Variants in POLRMT observed in about 807,000 individuals in gnomAD.
The protein encoded by POLRMT is DNA-directed RNA polymerase, mitochondrial.
POLRMT carries 114 observed loss-of-function variants against 132.2 expected under a neutral mutation model. That is an observed-to-expected ratio of 0.86 (90% CI 0.74 to 1.01). POLRMT has a LOEUF of 1.01. POLRMT is among the 50% of genes least tolerant of loss of function. The pLI is 0.00. For synonymous variants in POLRMT, 1,020 were observed against 773.4 expected, an observed-to-expected ratio of 1.32 and a Z score of -5.29; for missense variants, 2,003 against 1,729.1, an observed-to-expected ratio of 1.16 and a Z score of -2.81.
At chr19:620,606 C>A (rs932500609) in intron 10 of POLRMT, 119 bp from the exon 11 acceptor site, 2 of 1,280,276 alleles carry the variant, frequency 1.6e-6, no homozygotes, top group East Asian at 2.7e-5. Flanking sequence ...ATAGTGAACA[C>A]GGGACGCATG....
intron 2 of POLRMT, among the ~76,000 whole-genome samples, chr19:631,338 AG>A (rs58594494): frequency 0.014 from 1,549 of 113,342 alleles, 28 homozygotes; most frequent in African/African-American, 0.044. Context: ...AAAAAAAAAA[AG>A]GGGGGGGGGG....
chr19:620,345 G>C lies in POLRMT; in HGVS notation c.2763+20C>G. 1 of 1,557,358 alleles carries C rather than the reference G, an allele frequency of 6.4e-7. No individual in the cohort carries two copies. Among genetic ancestry groups the C allele is most frequent in the Non-Finnish European group, 8.7e-7 (1 of 1,151,834 alleles). On this transcript the variant is annotated intron_variant, in intron 11 of 20. Transcript: ENST00000588649. ...CAGTGCACACTGCACGGCCTCGGGGGCCAGACCCAGCTGGCTCACCTGATG... is the reference window on the plus strand; with the variant it reads ...CAGTGCACACTGCACGGCCTCGGGGCCCAGACCCAGCTGGCTCACCTGATG...
rs754686418 is a variant in POLRMT, at chr19:619,075, G to A, written c.3189C>T (p.His1063=). Residue 1063 remains histidine, a synonymous_variant, in exon 15 of 21, where the codon CAC becomes CAT. Transcript: ENST00000588649. ...WLTESARLIS[H]MGSVVEWVTP... Reference sequence around the variant, plus strand: ...TGACCCACTCCACCACAGAGCCCATGTGGGAGATGAGGCGGGCACTCTCGG... The same window carrying A: ...TGACCCACTCCACCACAGAGCCCATATGGGAGATGAGGCGGGCACTCTCGG... The A allele has an allele frequency of 2.5e-6, 4 of 1,611,080 alleles. No individual in the cohort carries two copies. The highest frequency in any genetic ancestry group is 1.1e-5 in the South Asian group (1 of 90,922).
intron 9 of POLRMT, 97 bp from the exon 10 acceptor site, chr19:621,943 A>C: frequency 7.1e-7 from 1 of 1,413,580 alleles, no homozygotes; most frequent in Non-Finnish European, 9.5e-7. Flanking sequence ...TCCCCGGCCA[A>C]CAAGAAACCA....
rs1216925925 is a variant in POLRMT at position 619,645 on chromosome 19, G to A, written c.3007C>T (p.Arg1003Cys). 16 of 1,610,700 alleles carry A rather than the reference G, an allele frequency of 9.9e-6. No individual in the cohort carries two copies. Among genetic ancestry groups the A allele is most frequent in the South Asian group, 3.3e-5 (3 of 90,992 alleles). Residue 1003 changes from arginine (R) to cysteine (C), a missense_variant, in exon 13 of 21, where the codon CGC becomes TGC. By Grantham distance (180) the Arg-to-Cys change is radical. Transcript: ENST00000588649. The part of the protein sequence containing the change: ...TVMTVVYGVT[R>C]YGGRLQIEKR... The stretch of plus-strand genomic sequence containing the variant: ...TCAATCTGCAGGCGCCCGCCATAGC[G>A]CGTGACCCCGTACACCACCGTCATC...
intron 10 of POLRMT, among the ~76,000 whole-genome samples, chr19:620,780 C>A (rs12460106): frequency 0.016 from 1,040 of 63,362 alleles, 12 homozygotes; most frequent in Non-Finnish European, 0.022. Context: ...TCGGCGGATG[C>A]AGGGGAGGGG....
At position 633,507 on chromosome 19, in the gene POLRMT, C is replaced by A. The variant is rs748974526; in HGVS notation, c.6G>T (p.Ser2=). 2.0e-6 allele frequency: 3 copies of A among 1,486,158 alleles called. No individual in the cohort carries two copies. Among genetic ancestry groups the A allele is most frequent in the Admixed American group, 1.8e-5 (1 of 55,478 alleles). 92.1% of individuals were successfully genotyped at this position (1,486,158 alleles called of 1,614,324 possible). The stretch of plus-strand genomic sequence containing the variant: ...CCGCTCCGCGGCCCCAGCAAAGTGC[C>A]GACATTACGCACGCCGCTCCAGGCC... M[S]ALCWGRGAAG... is the part of the protein sequence containing the mutation. Residue 2 remains serine, a synonymous_variant, in exon 1 of 21, where the codon TCG becomes TCT. Transcript: ENST00000588649.
At chr19:628,880 T>C (rs1456537747) in intron 3 of POLRMT, among the ~76,000 whole-genome samples, 1 of 152,108 alleles carries the variant, frequency 6.6e-6, no homozygotes, top group Non-Finnish European at 1.5e-5. Context: ...GGCGGGCACC[T>C]GTAACTCCAG....
chr19:620,399 G>A lies in POLRMT; in HGVS notation c.2729C>T (p.Pro910Leu), dbSNP rs765006909. ...GGGGAGGTGGGAGACATAGGCGGCAGGGTCGGAGGCGCGCACAGCGTTCGC... is the reference window on the plus strand; with the variant it reads ...GGGGAGGTGGGAGACATAGGCGGCAAGGTCGGAGGCGCGCACAGCGTTCGC... ...EVANAVRASD[P>L]AAYVSHLPVH... is the part of the protein sequence containing the mutation. The change falls in exon 11 of 21, where the codon CCT (proline) becomes CTT (leucine). Residue 910 changes from proline to leucine, a missense_variant. Coordinates refer to ENST00000588649, the MANE Select transcript of POLRMT (RefSeq NM_005035.4). The A allele has an allele frequency of 1.0e-5, 16 of 1,585,190 alleles. No homozygotes were observed. Among genetic ancestry groups the A allele is most frequent in the Admixed American group, 3.5e-5 (2 of 56,344 alleles).
At chr19:630,774 C>A (rs898230548) in intron 2 of POLRMT, among the ~76,000 whole-genome samples, 1 of 152,206 alleles carries the variant, frequency 6.6e-6, no homozygotes, top group African/African-American at 2.4e-5. Context: ...GCAGGGAAAA[C>A]GCGGCTCCTG....
At chr19:631,940 A>T (rs1985447825) in intron 2 of POLRMT, among the ~76,000 whole-genome samples, 1 of 152,088 alleles carries the variant, frequency 6.6e-6, no homozygotes, top group African/African-American at 2.4e-5. Context: ...ATGCCCAGCT[A>T]ATTTTTGTAT....
At chr19:622,477 C>A in intron 8 of POLRMT, 104 bp from the exon 9 acceptor site, 7 of 1,472,004 alleles carry the variant, frequency 4.8e-6, no homozygotes, top group Non-Finnish European at 6.3e-6. Flanking sequence ...CCCAAGCATA[C>A]AGATGAACAG....
At chr19:623,372 G>C in intron 6 of POLRMT, 82 bp downstream of exon 6, 1 of 1,553,852 alleles carries the variant, frequency 6.4e-7, no homozygotes. Flanking sequence ...GCGGACACGG[G>C]ACCCCGGCTC....
intron 3 of POLRMT, among the ~76,000 whole-genome samples, chr19:629,101 G>C (rs1985223848): frequency 6.6e-6 from 1 of 152,178 alleles, no homozygotes. Context: ...ATCTAAAGCT[G>C]TGCTCAGAGG....
At chr19:620,999 C>CGCCGGGGGAGGGCGCGGGGGT (rs769654020) in intron 10 of POLRMT, 59 bp downstream of exon 10, 4 of 1,249,922 alleles carry the variant, frequency 3.2e-6, no homozygotes, top group Non-Finnish European at 3.1e-6. Context: ...GGCGCGGGGG[C>CGCCGGGGGAGGGCGCGGGGGT]GCCGGGGGAG....
At chr19:622,790 C>T (rs774948274) in intron 7 of POLRMT, 31 bp downstream of exon 7, 26 of 1,570,984 alleles carry the variant, frequency 1.7e-5, no homozygotes, top group Middle Eastern at 2.0e-4. Flanking sequence ...CCGCCCCGCC[C>T]GGGGACCCGG....
chr19:632,319 C>T (rs1347951045), intron 2 of POLRMT, among the ~76,000 whole-genome samples: 2 of 152,216 alleles, frequency 1.3e-5, no homozygotes, highest in African/African-American at 4.8e-5. Flanking sequence ...ACAGAAGCAC[C>T]GGCGGGAAGC....
In POLRMT at chr19:618,926, GCACTGGTACACTGGGACGCTGTTA is replaced by G. The variant is rs1278330073; in HGVS notation, c.3267+47_3267+70del. 5.3e-5 allele frequency: 73 copies of G among 1,385,322 alleles called. No homozygotes were observed. In the African/African-American group the frequency reaches 9.9e-4, roughly 19 times the overall value. 85.8% of individuals were successfully genotyped at this position (1,385,322 alleles called of 1,614,324 possible). ...TACACTGGGGTGGTGGTACGCTGGG[GCACTGGTACACTGGGACGCTGTTA>G]CACTGGGATGGTGGCACACTGGGGA... On this transcript the variant is annotated intron_variant, in intron 15 of 20. Coordinates refer to ENST00000588649, the MANE Select transcript of POLRMT (RefSeq NM_005035.4).
At position 624,753 on chromosome 19, in the gene POLRMT, T is replaced by A; in HGVS notation, c.1106A>T (p.Asn369Ile). 2 of 1,613,912 alleles carry A rather than the reference T, an allele frequency of 1.2e-6. No homozygotes were observed. Among genetic ancestry groups the A allele is most frequent in the Non-Finnish European group, 1.7e-6 (2 of 1,179,990 alleles). ...SLPPQLPPPVNTSKLLRDVYA... is the reference protein window; with the variant it reads ...SLPPQLPPPVITSKLLRDVYA... The stretch of plus-strand genomic sequence containing the variant: ...CACGTCCCTGAGCAGCTTGGAGGTG[T>A]TGACCGGGGGCGGCAGCTGCGGCGG... Residue 369 changes from asparagine (N) to isoleucine (I), a missense_variant, in exon 5 of 21, where the codon AAC (asparagine) becomes ATC (isoleucine). Transcript: ENST00000588649.
Sources: allele counts gnomAD v4.1 joint callset (sites outside exome capture counted in the v4.1 genomes callset), GRCh38; gene constraint gnomAD v4.1.1; transcripts MANE v1.5; gene names NCBI Gene and HGNC (gene_info 2026-07-23, HGNC 2026-07-21).